The following PCDHGA8 variants were observed in gnomAD, a reference collection of about 807,000 sequenced individuals.
PCDHGA8 encodes protocadherin gamma subfamily A, 8, also known as protocadherin gamma-A8.
PCDHGA8 carries 45 observed loss-of-function variants against 59.2 expected under a neutral mutation model. That is an observed-to-expected ratio of 0.76 (90% confidence interval 0.60 to 0.98). The LOEUF is 0.98. Among genes scored for constraint, PCDHGA8 ranks in the 50% least tolerant of loss-of-function variants. The probability of loss-of-function intolerance (pLI) is 0.00; values close to 1 mark genes in which losing one functional copy is unlikely to be tolerated. For missense variants in PCDHGA8, 1,257 were observed against 1,196.2 expected, an observed-to-expected ratio of 1.05 and a Z score of -0.75; for synonymous variants, 531 against 519.0, an observed-to-expected ratio of 1.02 and a Z score of -0.32.
intron 1 of PCDHGA8, chr5:141,419,579 C>A: frequency 6.2e-7 from 1 of 1,611,812 alleles, no homozygotes; most frequent in Non-Finnish European, 8.5e-7. Flanking sequence ...CGGCTCCGCG[C>A]TCTTCGACAC....
Position 141,394,060 on chromosome 5 carries a change from C to A in PCDHGA8, c.1247C>A (p.Ser416Tyr), listed in dbSNP as rs1437765710. Residue 416 changes from serine to tyrosine, a missense_variant, in exon 1 of 4, where the codon TCT becomes TAT. Coordinates refer to ENST00000398604, the MANE Select transcript of PCDHGA8 (RefSeq NM_032088.2). ...AAATATTTGGACCGAGAAAATGTCT[C>A]TATCTACAATATCACAGTGATGGCC... The part of the protein sequence containing the change: ...TRKYLDRENV[S>Y]IYNITVMASD... 9 of 1,613,662 alleles carry A rather than the reference C, an allele frequency of 5.6e-6. No individual in the cohort carries two copies. Among genetic ancestry groups the A allele is most frequent in the African/African-American group, 4.0e-5 (3 of 74,936 alleles).
Position 141,511,072 on chromosome 5 carries a change from A to C in PCDHGA8, c.2698A>C (p.Ser900Arg). The C allele has an allele frequency of 6.2e-7, 1 of 1,614,252 alleles. No individual in the cohort carries two copies. Among genetic ancestry groups the C allele is most frequent in the Non-Finnish European group, 8.5e-7 (1 of 1,180,034 alleles). Residue 900 changes from serine to arginine, a missense_variant, in exon 4 of 4, where the codon AGC (serine) becomes CGC (arginine). Ser to Arg is a moderately radical substitution (Grantham distance 110). Coordinates refer to ENST00000398604, the MANE Select transcript of PCDHGA8 (RefSeq NM_032088.2). ...CCGCCAGAATGTCTACATCCCAGGC[A>C]GCAATGCCACACTGACCAACGCAGC... ...DYRQNVYIPG[S>R]NATLTNAAGK...
chr5:141,398,374 G>C (rs769693333), intron 1 of PCDHGA8: 3 of 1,438,680 alleles, frequency 2.1e-6, no homozygotes, highest in African/African-American at 1.4e-5. Flanking sequence ...AGAGAGCGGG[G>C]AGTTGCTTGT....
intron 1 of PCDHGA8, among the ~76,000 whole-genome samples, chr5:141,449,588 CAAAAAAAA>C (rs768743917): frequency 1.7e-5 from 1 of 57,492 alleles, no homozygotes; most frequent in South Asian, 6.3e-4. Context: ...GACTCTGTCT[CAAAAAAAA>C]AAAAAAAAAA....
At chr5:141,440,484 A>G (rs190024112) in intron 1 of PCDHGA8, 36 of 152,300 alleles carry the variant, frequency 2.4e-4, no homozygotes, top group Non-Finnish European at 4.7e-4. Context: ...AATTCTTTAA[A>G]TGTTTTTCAC....
intron 1 of PCDHGA8, chr5:141,416,818 C>T (rs766541497): frequency 9.9e-5 from 15 of 151,960 alleles, no homozygotes; most frequent in Admixed American, 2.6e-4. Flanking sequence ...AAAAGCATTC[C>T]GAAGTTTCTC....
At chr5:141,404,410 A>G (rs1343740045) in intron 1 of PCDHGA8, 2 of 1,613,728 alleles carry the variant, frequency 1.2e-6, no homozygotes, top group Non-Finnish European at 1.7e-6. Context: ...AGAATTCTAG[A>G]GTTATTTACT....
At chr5:141,504,660 C>T (rs1002186811) in intron 2 of PCDHGA8, among the ~76,000 whole-genome samples, 8 of 101,980 alleles carry the variant, frequency 7.8e-5, no homozygotes, top group Admixed American at 5.7e-4. Flanking sequence ...TGTTTGAGGG[C>T]GGGGGGTGGG....
chr5:141,429,698 A>G (rs1436698608), intron 1 of PCDHGA8, among the ~76,000 whole-genome samples: 2 of 152,228 alleles, frequency 1.3e-5, no homozygotes, highest in Admixed American at 6.5e-5. Flanking sequence ...ATATCTTTAC[A>G]GTATAAATAT....
intron 1 of PCDHGA8, chr5:141,471,166 C>T (rs1427053969): frequency 2.0e-5 from 3 of 150,492 alleles, no homozygotes; most frequent in Non-Finnish European, 2.9e-5. Context: ...TCTCCTGGCT[C>T]AGCCTCCCTA....
At chr5:141,413,215 T>C in intron 1 of PCDHGA8, 1 of 1,613,350 alleles carries the variant, frequency 6.2e-7, no homozygotes, top group Non-Finnish European at 8.5e-7. Context: ...ATCAAAGGAT[T>C]GCAGCGGGCT....
At chr5:141,450,790 A>G (rs2098694056) in intron 1 of PCDHGA8, among the ~76,000 whole-genome samples, 1 of 148,832 alleles carries the variant, frequency 6.7e-6, no homozygotes, top group Admixed American at 6.7e-5. Context: ...CCCGGACCTC[A>G]TGATTGTATT....
In PCDHGA8 at chr5:141,432,357, T is replaced by C. The variant is rs778669079; in HGVS notation, c.2424+37120T>C. 6.2e-7 allele frequency: 1 copy of C among 1,614,244 alleles called. No homozygotes were observed. Among genetic ancestry groups the C allele is most frequent in the African/African-American group, 1.3e-5 (1 of 75,072 alleles). The stretch of plus-strand genomic sequence containing the variant: ...TTCCGAGACTTGCAAGTGAAAGTGA[T>C]GGCGCGGGACAACGGGCACCCGCCC... On this transcript the variant is annotated intron_variant, in intron 1 of 3. Coordinates refer to ENST00000398604, the MANE Select transcript of PCDHGA8 (RefSeq NM_032088.2). This position sits in a 1 kb window ranked among gnomAD's most constrained non-coding sequence, Gnocchi z 6.0.
At chr5:141,466,508 T>C (rs2099123841) in intron 1 of PCDHGA8, among the ~76,000 whole-genome samples, 1 of 152,190 alleles carries the variant, frequency 6.6e-6, no homozygotes, top group African/African-American at 2.4e-5. Context: ...ACAGACAAGA[T>C]CATTTTTTTT....
In PCDHGA8 at chr5:141,477,524, A is replaced by G. The variant is rs1302186932; in HGVS notation, c.2425-17283A>G. The stretch of plus-strand genomic sequence containing the variant: ...CTACGACGTTTACATTGAAGAAAAC[A>G]ACCTCCCCGGGGCTCCAATACTAAA... On this transcript the variant is annotated intron_variant, in intron 1 of 3. Coordinates refer to ENST00000398604, the MANE Select transcript of PCDHGA8 (RefSeq NM_032088.2). The surrounding 1 kb of genome is among the most constrained non-coding windows in gnomAD (Gnocchi z 4.9). The G allele has an allele frequency of 1.2e-6, 2 of 1,614,122 alleles. No individual in the cohort carries two copies. Among genetic ancestry groups the G allele is most frequent in the Non-Finnish European group, 1.7e-6 (2 of 1,180,022 alleles).
rs528069305 is a variant in PCDHGA8, at chr5:141,457,143, T to A, written c.2425-37664T>A. Among the ~76,000 whole-genome samples the A allele has an allele frequency of 5.3e-5, 8 of 152,334 alleles. No homozygotes were observed. In the South Asian group the frequency reaches 1.5e-3, roughly 28 times the overall value. On this transcript the variant is annotated intron_variant, in intron 1 of 3. Transcript: ENST00000398604. ...ATGGAAACTCTGTCCAATATTTCAG[T>A]TAGAAGGTGCTACCATGGATAACCC...
intron 1 of PCDHGA8, chr5:141,430,789 C>A (rs2097310124): frequency 6.6e-7 from 1 of 1,515,808 alleles, no homozygotes; most frequent in Non-Finnish European, 8.8e-7. Context: ...ACCGGGACTA[C>A]AAAGGGCTTG....
In PCDHGA8 at chr5:141,432,068, C is replaced by G. The variant is rs1297096209; in HGVS notation, c.2424+36831C>G. ...AACCCCGCCCCTATCCACGGAAACT[C>G]ATATCTCGCTGAACGTGGCAGACAC... On this transcript the variant is annotated intron_variant, in intron 1 of 3. Transcript: ENST00000398604. The surrounding 1 kb of genome is among the most constrained non-coding windows in gnomAD (Gnocchi z 6.0). 6.2e-7 allele frequency: 1 copy of G among 1,614,210 alleles called. No individual in the cohort carries two copies. The highest frequency in any genetic ancestry group is 1.7e-5 in the Admixed American group (1 of 60,028).
At chr5:141,428,142 C>T in intron 1 of PCDHGA8, 1 of 1,594,260 alleles carries the variant, frequency 6.3e-7, no homozygotes, top group Non-Finnish European at 8.6e-7. Flanking sequence ...CCTGGGGCTG[C>T]ACACGGGAAC....
Sources: gnomAD v4.1 joint callset for allele counts (sites outside exome capture counted in the v4.1 genomes callset) on GRCh38, gnomAD v4.1.1 for gene constraint, Gnocchi (gnomAD v3.1) non-coding constraint, MANE v1.5 for transcripts, NCBI Gene and HGNC (gene_info 2026-07-23, HGNC 2026-07-21) for gene names.